IQCM: variants seen among roughly 807,000 people sequenced by gnomAD.
IQCM encodes the protein IQ domain-containing protein M.
Under a neutral mutation model 57.6 loss-of-function variants are expected in IQCM, and 45 were observed. The ratio of observed to expected loss-of-function variants is 0.78; its 90% CI spans 0.62 to 1.00. The LOEUF (loss-of-function observed/expected upper bound fraction) is 1.00, where lower values mean the gene tolerates loss of function less well. Among genes scored for constraint, IQCM ranks in the 50% least tolerant of loss-of-function variants. IQCM has a pLI of 0.00. For missense variants in IQCM, 468 were observed against 511.6 expected, an observed-to-expected ratio of 0.91 and a Z score of 0.82; for synonymous variants, 148 against 158.9, an observed-to-expected ratio of 0.93 and a Z score of 0.51.
At chr4:149,675,699 T>C (rs1386448582) in intron 7 of IQCM, among the ~76,000 whole-genome samples, 1 of 151,994 alleles carries the variant, frequency 6.6e-6, no homozygotes, top group East Asian at 1.9e-4. Context: ...CTTAAATACA[T>C]AATGAGATCC....
chr4:149,671,214 G>T (rs1035757088), intron 7 of IQCM, among the ~76,000 whole-genome samples: 1 of 151,938 alleles, frequency 6.6e-6, no homozygotes, highest in Non-Finnish European at 1.5e-5. Context: ...GTCTTGGGAG[G>T]GTGTGTGTGT....
At chr4:149,386,674 G>T (rs1731449387) in intron 13 of IQCM, among the ~76,000 whole-genome samples, 1 of 151,958 alleles carries the variant, frequency 6.6e-6, no homozygotes, top group Non-Finnish European at 1.5e-5. Flanking sequence ...CACACAGTGT[G>T]TTTGGTTATG....
intron 12 of IQCM, among the ~76,000 whole-genome samples, chr4:149,448,903 G>A (rs72724091): frequency 0.22 from 32,847 of 151,404 alleles, 4,470 homozygotes; most frequent in Non-Finnish European, 0.29. Flanking sequence ...ACTTAAGGGA[G>A]GTATTATAGC....
At chr4:149,742,329 G>C (rs1383870574) in intron 3 of IQCM, among the ~76,000 whole-genome samples, 1 of 152,038 alleles carries the variant, frequency 6.6e-6, no homozygotes, top group Non-Finnish European at 1.5e-5. Context: ...CATGCTTAAA[G>C]GTTTTCCAAT....
chr4:149,473,992 G>A (rs1268079748), intron 12 of IQCM, among the ~76,000 whole-genome samples: 4 of 152,088 alleles, frequency 2.6e-5, no homozygotes, highest in Non-Finnish European at 5.9e-5. Flanking sequence ...GGGGAAGTGG[G>A]GAGGGATAGT....
intron 12 of IQCM, among the ~76,000 whole-genome samples, chr4:149,467,507 G>A (rs1374178693): frequency 6.6e-6 from 1 of 152,178 alleles, no homozygotes; most frequent in Non-Finnish European, 1.5e-5. Context: ...TAAATTGCTT[G>A]TATGTTTTTC....
chr4:149,393,576 C>T (rs553633541), intron 13 of IQCM, among the ~76,000 whole-genome samples: 16 of 151,842 alleles, frequency 1.1e-4, no homozygotes, highest in East Asian at 7.8e-4. Flanking sequence ...AAAATGGATA[C>T]ACATCTAAAC....
chr4:149,526,777 C>T (rs930025948), intron 12 of IQCM, among the ~76,000 whole-genome samples: 1 of 151,948 alleles, frequency 6.6e-6, no homozygotes, highest in Non-Finnish European at 1.5e-5. Context: ...AATATGTAAA[C>T]TGTGAATGCA....
rs535131444 is a variant in IQCM, at chr4:149,764,761, G to C, written c.-48-22022C>G. On this transcript the variant is annotated intron_variant, in intron 2 of 13. Coordinates refer to ENST00000636793, the MANE Select transcript of IQCM (RefSeq NM_001363507.2). ...ACCTCATAGCTGGATAGAAAAGCTT[G>C]ACATACTGCAAATCCTACATTTCCC... Among the ~76,000 whole-genome samples, 5 of 152,192 alleles carry C rather than the reference G, an allele frequency of 3.3e-5. No homozygotes were observed. The South Asian group carries it at 1.0e-3, about 32-fold the overall frequency.
At chr4:149,702,795 G>C (rs1035138791) in intron 5 of IQCM, among the ~76,000 whole-genome samples, 1 of 151,848 alleles carries the variant, frequency 6.6e-6, no homozygotes, top group Non-Finnish European at 1.5e-5. Flanking sequence ...TACAATTTTG[G>C]CTATCTGAAA....
intron 5 of IQCM, among the ~76,000 whole-genome samples, chr4:149,725,194 A>T (rs527983463): frequency 1.3e-5 from 2 of 152,164 alleles, no homozygotes; most frequent in East Asian, 3.9e-4. Context: ...CTATTCTCAC[A>T]TAAGATATTC....
chr4:149,361,123 C>G (rs1417685104), intron 13 of IQCM, among the ~76,000 whole-genome samples: 1 of 152,112 alleles, frequency 6.6e-6, no homozygotes, highest in African/African-American at 2.4e-5. Flanking sequence ...TTGCCCCTGC[C>G]CTAGAGATCT....
At chr4:149,370,867 T>G (rs1477476032) in intron 13 of IQCM, among the ~76,000 whole-genome samples, 1 of 121,336 alleles carries the variant, frequency 8.2e-6, no homozygotes, top group African/African-American at 2.8e-5. Context: ...AGCAAATGTG[T>G]ATTTTTATTT....
At chr4:149,639,187 G>A (rs1437390994) in intron 7 of IQCM, among the ~76,000 whole-genome samples, 1 of 152,184 alleles carries the variant, frequency 6.6e-6, no homozygotes, top group Non-Finnish European at 1.5e-5. Context: ...AGCACTTTGG[G>A]AGGCCAAGAC....
In IQCM at chr4:149,649,399, T is replaced by C. The variant is rs192843373; in HGVS notation, c.566-28155A>G. Among the ~76,000 whole-genome samples the C allele has an allele frequency of 2.9e-3, 443 of 152,252 alleles. 7 individuals carry two copies. Among genetic ancestry groups the C allele is most frequent in the African/African-American group, 0.01 (417 of 41,538 alleles). ...TTTCCTAAGTGTGCAGTGTCAACAA[T>C]GCCTTCATGGCATAAACAGGTGTGG... On this transcript the variant is annotated intron_variant, in intron 7 of 13. Coordinates refer to ENST00000636793, the MANE Select transcript of IQCM (RefSeq NM_001363507.2).
chr4:149,542,846 T>A (rs1747991650), intron 12 of IQCM, among the ~76,000 whole-genome samples: 1 of 152,080 alleles, frequency 6.6e-6, no homozygotes, highest in Non-Finnish European at 1.5e-5. Context: ...TTAAGCCTCA[T>A]AACAGTCCAG....
At chr4:149,585,891 A>G (rs1752602684) in intron 9 of IQCM, among the ~76,000 whole-genome samples, 1 of 151,660 alleles carries the variant, frequency 6.6e-6, no homozygotes, top group Admixed American at 6.6e-5. Flanking sequence ...TGATGTCTAA[A>G]ATTCCTTCAG....
chr4:149,558,750 G>A (rs979068833), intron 10 of IQCM, among the ~76,000 whole-genome samples: 1 of 152,106 alleles, frequency 6.6e-6, no homozygotes, highest in African/African-American at 2.4e-5. Flanking sequence ...GCCAAAATGA[G>A]GTACTTTTAT....
chr4:149,659,192 GACAA>G (rs1199106975), intron 7 of IQCM, among the ~76,000 whole-genome samples: 3 of 151,932 alleles, frequency 2.0e-5, no homozygotes, highest in Non-Finnish European at 2.9e-5. Flanking sequence ...ACCAATAACA[GACAA>G]ACAGAGAGCC....
Sources: gnomAD v4.1 joint callset for allele counts (sites outside exome capture counted in the v4.1 genomes callset) on GRCh38, gnomAD v4.1.1 for gene constraint, MANE v1.5 for transcripts, NCBI Gene and HGNC (gene_info 2026-07-23, HGNC 2026-07-21) for gene names.